The following GRM4 variants were observed in gnomAD, a reference collection of about 807,000 sequenced individuals.
GRM4 encodes the protein glutamate metabotropic receptor 4.
A neutral mutation model predicts 81.7 loss-of-function variants in GRM4; 28 were observed. That is an observed-to-expected ratio of 0.34 (90% CI 0.25 to 0.47). GRM4 has a LOEUF of 0.47. Ranked by LOEUF, GRM4 falls within the 20% of genes least tolerant of loss-of-function variation. GRM4 has a pLI of 1.00. For missense variants in GRM4, 948 were observed against 1,290.0 expected (o/e 0.73, Z 4.06); for synonymous variants, 488 against 528.8 (o/e 0.92, Z 1.06).
intron 10 of GRM4, among the ~76,000 whole-genome samples, chr6:34,023,513 C>T (rs1164427644): frequency 6.6e-6 from 1 of 152,126 alleles, no homozygotes; most frequent in African/African-American, 2.4e-5. Context: ...CCGCCCTACA[C>T]CCAAGGAAAC....
intron 1 of GRM4, among the ~76,000 whole-genome samples, chr6:34,151,866 C>T (rs1771053627): frequency 6.6e-6 from 1 of 152,176 alleles, no homozygotes; most frequent in African/African-American, 2.4e-5. Context: ...TTCCATGGCA[C>T]TCCACTACTT....
chr6:34,061,666 G>A lies in GRM4; in HGVS notation c.872+227C>T, dbSNP rs527931365. 8.0e-5 allele frequency: 37 copies of A among 463,052 alleles called. 1 individual carries two copies. The highest frequency in any genetic ancestry group is 3.9e-4 in the Admixed American group (11 of 28,394). 28.7% of individuals were successfully genotyped at this position (463,052 alleles called of 1,614,324 possible). ...CCCAGGTAGCCATCCCTAGCAGGTGGAATGGATGCAGGAAATGGAGAGGGG... is the reference window on the plus strand; with the variant it reads ...CCCAGGTAGCCATCCCTAGCAGGTGAAATGGATGCAGGAAATGGAGAGGGG... On this transcript the variant is annotated intron_variant, in intron 4 of 10. Transcript: ENST00000538487.
chr6:34,091,800 G>C, intron 3 of GRM4, 83 bp downstream of exon 3: 1 of 1,011,792 alleles, frequency 9.9e-7, no homozygotes, highest in East Asian at 2.6e-5. Flanking sequence ...ATCAGGCCCC[G>C]GCTGGGAGCT....
Position 34,056,639 on chromosome 6 carries a change from C to T in GRM4, c.1073G>A (p.Arg358His). 6.2e-7 allele frequency: 1 copy of T among 1,613,850 alleles called. No individual in the cohort carries two copies. Among genetic ancestry groups the T allele is most frequent in the Non-Finnish European group, 8.5e-7 (1 of 1,179,960 alleles). The change falls in exon 6 of 11, where the codon CGC becomes CAC. Residue 358 changes from arginine to histidine, a missense_variant. Physicochemically the swap from Arg to His is conservative, Grantham distance 29. Transcript: ENST00000538487. ...FSSRTLDNNR[R>H]NIWFAEFWED... ...CCAGAACTCGGCAAACCAGATGTTG[C>T]GCCGGTTGTTGTCCAGCGTGCGGCT... is the stretch of plus-strand genomic sequence containing the variant.
intron 3 of GRM4, among the ~76,000 whole-genome samples, chr6:34,077,038 G>A (rs928298525): frequency 2.4e-4 from 37 of 151,646 alleles, no homozygotes; most frequent in African/African-American, 6.6e-4. Context: ...GGGGAGGGGT[G>A]GGTAGCCTCT....
intron 1 of GRM4, among the ~76,000 whole-genome samples, chr6:34,141,627 A>T (rs6928019): frequency 0.41 from 61,620 of 149,968 alleles, 15,292 homozygotes; most frequent in Non-Finnish European, 0.55. Context: ...CGTTTTTCCA[A>T]GGAGCCAAGA....
At position 34,068,707 on chromosome 6, in the gene GRM4, T is replaced by C. The variant is rs910801460; in HGVS notation, c.737-6679A>G. Among the ~76,000 whole-genome samples, 2 of 152,212 alleles carry C rather than the reference T, an allele frequency of 1.3e-5. No individual in the cohort carries two copies. Among genetic ancestry groups the C allele is most frequent in the African/African-American group, 2.4e-5 (1 of 41,458 alleles). ...AAGGCCTCCCGTAAGAGGAGCCGGC[T>C]TGTGCCCTGCCTCACCCACTCCCTG... On this transcript the variant is annotated intron_variant, in intron 3 of 10. Coordinates refer to ENST00000538487, the MANE Select transcript of GRM4 (RefSeq NM_000841.4). This position sits in a 1 kb window ranked among gnomAD's most constrained non-coding sequence, Gnocchi z 4.2.
At position 34,121,106 on chromosome 6, in the gene GRM4, T is replaced by A. The variant is rs1049700558; in HGVS notation, c.519+11872A>T. 6.6e-6 allele frequency among the ~76,000 whole-genome samples: 1 copy of A among 152,072 alleles called. No homozygotes were observed. The highest frequency in any genetic ancestry group is 1.5e-5 in the Non-Finnish European group (1 of 67,998). On this transcript the variant is annotated intron_variant, in intron 2 of 10. Transcript: ENST00000538487. This position sits in a 1 kb window ranked among gnomAD's most constrained non-coding sequence, Gnocchi z 4.6. The stretch of plus-strand genomic sequence containing the variant: ...AACATGCCACTCATTTTCAATAAAG[T>A]AAAAGGCGGCGTGGTGAGAGCTGCA...
rs768067250 is a variant in GRM4 at position 34,099,969 on chromosome 6, C to T, written c.520-7870G>A. 131 of 778,678 alleles carry T rather than the reference C, an allele frequency of 1.7e-4. 1 individual carries two copies. Among genetic ancestry groups the T allele is most frequent in the Non-Finnish European group, 2.0e-4 (127 of 641,214 alleles). 48.2% of individuals were successfully genotyped at this position (778,678 alleles called of 1,614,324 possible). A position where few individuals can be genotyped will look rare whatever the true frequency, so the allele number is the denominator to read the frequency against. ...CTTCGCCACAGACCCTCCGGGAATT[C>T]GAATCAGCCCTGCCTAGGCACTCAC... is the stretch of plus-strand genomic sequence containing the variant. On this transcript the variant is annotated intron_variant, in intron 2 of 10. Transcript: ENST00000538487.
intron 3 of GRM4, among the ~76,000 whole-genome samples, chr6:34,079,127 G>A (rs1767459885): frequency 6.6e-6 from 1 of 152,216 alleles, no homozygotes; most frequent in Non-Finnish European, 1.5e-5. Flanking sequence ...GAGCCAGTGA[G>A]GAACAGTGGC....
Position 34,069,186 on chromosome 6 carries a change from AC to A in GRM4, c.737-7159del, listed in dbSNP as rs1766655543. On this transcript the variant is annotated intron_variant, in intron 3 of 10. Transcript: ENST00000538487. The surrounding 1 kb of genome is among the most constrained non-coding windows in gnomAD (Gnocchi z 6.4). ...GGCGTATACACACACACACACACAC[AC>A]ACACACACACACACACACGCACGCA... Among the ~76,000 whole-genome samples, 1 of 145,574 alleles carries A rather than the reference AC, an allele frequency of 6.9e-6. No individual in the cohort carries two copies. Among genetic ancestry groups the A allele is most frequent in the Non-Finnish European group, 1.5e-5 (1 of 67,344 alleles).
rs528080485 is a variant in GRM4 at position 34,087,641 on chromosome 6, G to A, written c.736+4242C>T. Among the ~76,000 whole-genome samples, 5 of 151,476 alleles carry A rather than the reference G, an allele frequency of 3.3e-5. No individual in the cohort carries two copies. In the East Asian group the frequency reaches 9.7e-4, roughly 29 times the overall value. ...CTGGTGCAGCCTCAGCCTTGACAGGGAGGAAGAAGTCCTGGCTGCAACCAG... is the reference window on the plus strand; with the variant it reads ...CTGGTGCAGCCTCAGCCTTGACAGGAAGGAAGAAGTCCTGGCTGCAACCAG... On this transcript the variant is annotated intron_variant, in intron 3 of 10. Coordinates refer to ENST00000538487, the MANE Select transcript of GRM4 (RefSeq NM_000841.4).
chr6:34,133,604 G>A lies in GRM4; in HGVS notation c.-108C>T. The A allele has an allele frequency of 6.8e-7, 1 of 1,472,768 alleles. No homozygotes were observed. The allele number at this position is 1,472,768 out of a possible 1,614,324, so 91.2% of individuals were successfully genotyped here. A position where few individuals can be genotyped will look rare whatever the true frequency, so the allele number is the denominator to read the frequency against. ...GGGCAGGGCAGCTTCAGCAGCAGGG[G>A]GACTGAGGGCAGCCAACCGCGTAGC... On this transcript the variant is annotated 5_prime_UTR_variant, in exon 2 of 11. Transcript: ENST00000538487. This position sits in a 1 kb window ranked among gnomAD's most constrained non-coding sequence, Gnocchi z 6.5.
chr6:34,124,769 T>A (rs1314902260), intron 2 of GRM4, among the ~76,000 whole-genome samples: 1 of 152,128 alleles, frequency 6.6e-6, no homozygotes, highest in Admixed American at 6.5e-5. Context: ...TGCATGACTC[T>A]TTACAGATGG....
chr6:34,057,159 A>G (rs570587703), intron 5 of GRM4, among the ~76,000 whole-genome samples: 1 of 152,220 alleles, frequency 6.6e-6, no homozygotes, highest in African/African-American at 2.4e-5. Flanking sequence ...CGTCCCCATC[A>G]CTGACAGAGG....
chr6:34,144,250 C>T (rs973440886), intron 1 of GRM4, among the ~76,000 whole-genome samples: 1 of 152,212 alleles, frequency 6.6e-6, no homozygotes, highest in Non-Finnish European at 1.5e-5. Flanking sequence ...GGGCGCCTCT[C>T]GCAGTCGAGG....
intron 2 of GRM4, among the ~76,000 whole-genome samples, chr6:34,113,185 G>A (rs1342499922): frequency 6.8e-6 from 1 of 146,474 alleles, no homozygotes; most frequent in Non-Finnish European, 1.5e-5. Flanking sequence ...CTATTTTAGA[G>A]ATGTTGCCCA....
At chr6:34,149,749 G>T (rs1029719852), upstream of GRM4, among the ~76,000 whole-genome samples, 2 of 152,222 alleles carry the variant, frequency 1.3e-5, no homozygotes, top group Non-Finnish European at 2.9e-5. Context: ...CAGCCTCCAG[G>T]AATCCTCCCA....
rs1765264990 is a variant in GRM4 at position 34,044,759 on chromosome 6, C to CACACACAT, written c.1169-4019_1169-4012dup. Among the ~76,000 whole-genome samples, 2 of 132,670 alleles carry CACACACAT rather than the reference C, an allele frequency of 1.5e-5. 1 individual carries two copies. The highest frequency in any genetic ancestry group is 6.5e-5 in the African/African-American group (2 of 30,906). 87.0% of individuals were successfully genotyped at this position (132,670 alleles called of 152,430 possible). ...ACATACATACACATATATACACATACACACACATAGACATACACATACACA... is the reference window on the plus strand; with the variant it reads ...ACATACATACACATATATACACATACACACACATACACACATAGACATACACATACACA... On this transcript the variant is annotated intron_variant, in intron 6 of 10. Transcript: ENST00000538487.
Sources: gnomAD v4.1 joint callset for allele counts (sites outside exome capture counted in the v4.1 genomes callset) on GRCh38, gnomAD v4.1.1 for gene constraint, Gnocchi (gnomAD v3.1) non-coding constraint, MANE v1.5 for transcripts, NCBI Gene and HGNC (gene_info 2026-07-23, HGNC 2026-07-21) for gene names.